Variants in ERBIN observed in about 807,000 individuals in gnomAD.
ERBIN encodes the protein erbb2 interacting protein.
In ERBIN, 60 loss-of-function variants were observed where a neutral mutation model predicts 158.4. The observed-to-expected ratio is 0.38, with a 90% CI of 0.31 to 0.47. The LOEUF is 0.47. Among genes scored for constraint, ERBIN ranks in the 20% least tolerant of loss-of-function variants. ERBIN has a pLI of 0.99. For synonymous variants in ERBIN, 594 were observed against 557.2 expected (o/e 1.07, Z -0.93); for missense variants, 1,610 against 1,648.0 (o/e 0.98, Z 0.40).
chr5:66,078,585 C>T lies in ERBIN; in HGVS notation c.*55C>T, dbSNP rs1038608965. 6 of 1,003,492 alleles carry T rather than the reference C, an allele frequency of 6.0e-6. No homozygotes were observed. The highest frequency in any genetic ancestry group is 9.3e-6 in the Non-Finnish European group (6 of 642,488). 62.2% of individuals were successfully genotyped at this position (1,003,492 alleles called of 1,614,324 possible). On this transcript the variant is annotated 3_prime_UTR_variant, in exon 26 of 26. Coordinates refer to ENST00000284037, the MANE Select transcript of ERBIN (RefSeq NM_001253697.2). Reference sequence around the variant, plus strand: ...AGCAAGATTTATTGGAAGATACTTACAGGGGAAATTAATATTTTGACTATT... The same window carrying T: ...AGCAAGATTTATTGGAAGATACTTATAGGGGAAATTAATATTTTGACTATT...
chr5:66,076,433 A>C (rs768385213), intron 24 of ERBIN, 25 bp downstream of exon 24: 5 of 1,511,248 alleles, frequency 3.3e-6, no homozygotes, highest in Non-Finnish European at 4.6e-6. Context: ...TATATTCTTG[A>C]AACACCTATA....
At chr5:66,043,316 A>C in intron 16 of ERBIN, 118 bp downstream of exon 16, 7 of 957,764 alleles carry the variant, frequency 7.3e-6, no homozygotes, top group Non-Finnish European at 1.1e-5. Context: ...CCTTGTCCTC[A>C]AGGCACTTGA....
At chr5:66,030,554 A>T (rs1235977842) in intron 14 of ERBIN, among the ~76,000 whole-genome samples, 1 of 149,196 alleles carries the variant, frequency 6.7e-6, no homozygotes, top group African/African-American at 2.5e-5. Context: ...CTATTAGTAC[A>T]GTAGCACCTT....
intron 4 of ERBIN, among the ~76,000 whole-genome samples, chr5:65,999,224 G>A (rs989095790): frequency 1.3e-5 from 2 of 152,102 alleles, no homozygotes; most frequent in Non-Finnish European, 2.9e-5. Flanking sequence ...AAATAAGCCA[G>A]GCTTGGTGGT....
At chr5:66,005,658 T>C (rs1268765571) in intron 4 of ERBIN, among the ~76,000 whole-genome samples, 3 of 152,202 alleles carry the variant, frequency 2.0e-5, no homozygotes, top group African/African-American at 7.2e-5. Context: ...CCCCATCGTC[T>C]CAGCCCAAAA....
chr5:66,078,488 G>C lies in ERBIN; in HGVS notation c.4197G>C (p.Gln1399His). 1 of 1,601,634 alleles carries C rather than the reference G, an allele frequency of 6.2e-7. No individual in the cohort carries two copies. The highest frequency in any genetic ancestry group is 8.5e-7 in the Non-Finnish European group (1 of 1,176,624). ...CAGTGTCCTTGCTAAAAACTTTCCA[G>C]AATACAGTTGAACTCATCATTGTAC... is the stretch of plus-strand genomic sequence containing the variant. ...GQAVSLLKTF[Q>H]NTVELIIVRE... The change falls in exon 26 of 26, where the codon CAG becomes CAC. Residue 1399 changes from glutamine (Q) to histidine (H), a missense_variant. Physicochemically the swap from Gln to His is conservative, Grantham distance 24. Transcript: ENST00000284037.
At chr5:65,955,794 C>T (rs1027907565) in intron 1 of ERBIN, among the ~76,000 whole-genome samples, 1 of 152,160 alleles carries the variant, frequency 6.6e-6, no homozygotes, top group Non-Finnish European at 1.5e-5. Context: ...TTTCAGTTAC[C>T]CACAGTCAAC....
rs368816863 is a variant in ERBIN at position 66,078,548 on chromosome 5, A to G, written c.*18A>G. On this transcript the variant is annotated 3_prime_UTR_variant, in exon 26 of 26. Coordinates refer to ENST00000284037, the MANE Select transcript of ERBIN (RefSeq NM_001253697.2). ...CCTCATAAGCACTGTGGACAAAAAA[A>G]GCGGGGAAGACAGCAAGATTTATTG... 2.0e-4 allele frequency: 290 copies of G among 1,467,560 alleles called. No homozygotes were observed. The highest frequency in any genetic ancestry group is 2.6e-4 in the Non-Finnish European group (278 of 1,050,090). The allele number at this position is 1,467,560 out of a possible 1,614,324, so 90.9% of individuals were successfully genotyped here. A position where few individuals can be genotyped will look rare whatever the true frequency, so the allele number is the denominator to read the frequency against.
In ERBIN at chr5:66,054,562, T is replaced by G; in HGVS notation, c.3244T>G (p.Ser1082Ala). The G allele has an allele frequency of 6.2e-7, 1 of 1,614,160 alleles. No homozygotes were observed. The highest frequency in any genetic ancestry group is 2.2e-5 in the East Asian group (1 of 44,882). The change falls in exon 21 of 26, where the codon TCC becomes GCC. Residue 1082 changes from serine to alanine, a missense_variant. Around this residue, in one of 2 missense-constraint regions of ERBIN, gnomAD observed 1,014 missense variants for 936.1 expected, o/e 1.08. Transcript: ENST00000284037. ...AATCCAGCGACAAAGTAGTGTGTCC[T>G]CCACAGCCTCTGTAAATCTTGGTGA... is the stretch of plus-strand genomic sequence containing the variant. The part of the protein sequence containing the change: ...STIQRQSSVS[S>A]TASVNLGDPG...
chr5:65,940,521 G>T (rs1174391987), intron 1 of ERBIN, among the ~76,000 whole-genome samples: 2 of 141,938 alleles, frequency 1.4e-5, no homozygotes, highest in Non-Finnish European at 1.5e-5. Context: ...GGAGGTGGGG[G>T]GGGTCAGCCC....
At chr5:65,953,783 T>C (rs182966410) in intron 1 of ERBIN, among the ~76,000 whole-genome samples, 1 of 152,288 alleles carries the variant, frequency 6.6e-6, no homozygotes, top group African/African-American at 2.4e-5. Context: ...GTCAGTCCTT[T>C]GATATAAAGC....
At chr5:66,072,401 C>A (rs2151299956) in intron 22 of ERBIN, 110 bp downstream of exon 22, 2 of 1,097,842 alleles carry the variant, frequency 1.8e-6, no homozygotes, top group Non-Finnish European at 2.5e-6. Flanking sequence ...TGAGGGCTTT[C>A]CCCCCTTTAT....
chr5:66,042,961 T>A lies in ERBIN; in HGVS notation c.1307-116T>A, dbSNP rs1252264424. 3 of 749,004 alleles carry A rather than the reference T, an allele frequency of 4.0e-6. No individual in the cohort carries two copies. In the African/African-American group the frequency reaches 5.3e-5, roughly 13 times the overall value. The allele number at this position is 749,004 out of a possible 1,614,324, so 46.4% of individuals were successfully genotyped here. Reference sequence around the variant, plus strand: ...TTCTAATTTCTTGCATTGACCATTCTTAACTATTTTAGACTTATTGTAGTG... The same window carrying A: ...TTCTAATTTCTTGCATTGACCATTCATAACTATTTTAGACTTATTGTAGTG... On this transcript the variant is annotated intron_variant, in intron 15 of 25. Transcript: ENST00000284037.
intron 4 of ERBIN, among the ~76,000 whole-genome samples, chr5:66,008,110 A>G (rs1195129023): frequency 6.6e-6 from 1 of 152,214 alleles, no homozygotes; most frequent in Non-Finnish European, 1.5e-5. Context: ...AAAGTACTTT[A>G]TAATATAAAA....
At chr5:66,058,870 G>C (rs950041599) in intron 21 of ERBIN, among the ~76,000 whole-genome samples, 1 of 151,980 alleles carries the variant, frequency 6.6e-6, no homozygotes, top group Admixed American at 6.6e-5. Flanking sequence ...ATTTCTGAGG[G>C]CTCTGTTCTG....
In ERBIN at chr5:66,053,619, T is replaced by A; in HGVS notation, c.2301T>A (p.Leu767=). ...THKLDHINMN[L]NKLITNDTFQ... is the part of the protein sequence containing the mutation. ...AATTAGATCATATCAATATGAATCT[T>A]AATAAACTTATAACTAATGATACAT... Residue 767 remains leucine (L), a synonymous_variant, in exon 21 of 26, where the codon CTT becomes CTA. Transcript: ENST00000284037. The A allele has an allele frequency of 6.2e-7, 1 of 1,611,274 alleles. No individual in the cohort carries two copies. Among genetic ancestry groups the A allele is most frequent in the Non-Finnish European group, 8.5e-7 (1 of 1,179,146 alleles).
chr5:65,942,175 TA>T (rs1190928131), intron 1 of ERBIN, among the ~76,000 whole-genome samples: 3 of 152,240 alleles, frequency 2.0e-5, no homozygotes, highest in Non-Finnish European at 4.4e-5. Context: ...TTTTTCTTTT[TA>T]ATTAGTACAA....
At position 66,012,040 on chromosome 5, in the gene ERBIN, GT is replaced by G. The variant is rs1554057498; in HGVS notation, c.308-5del. On this transcript the variant is annotated splice_polypyrimidine_tract_variant and splice_region_variant and intron_variant, in intron 4 of 25. Transcript: ENST00000284037. ...AGATCTTTTAATTTGATCGTTGTTT[GT>G]TTTCTAGGAATACAGGAGTTTCCAG... 2.6e-6 allele frequency: 4 copies of G among 1,553,556 alleles called. No individual in the cohort carries two copies. The highest frequency in any genetic ancestry group is 2.6e-6 in the Non-Finnish European group (3 of 1,137,046).
chr5:65,965,641 C>T (rs1485544883), intron 1 of ERBIN, among the ~76,000 whole-genome samples: 1 of 152,106 alleles, frequency 6.6e-6, no homozygotes, highest in Non-Finnish European at 1.5e-5. Context: ...GGTTTGCCCA[C>T]CTCGGCCTCC....
Sources: allele counts gnomAD v4.1 joint callset (sites outside exome capture counted in the v4.1 genomes callset), GRCh38; gene constraint gnomAD v4.1.1; regional missense constraint gnomAD v4.1.1; transcripts MANE v1.5; gene names NCBI Gene and HGNC (gene_info 2026-07-23, HGNC 2026-07-21).